The following EYS variants were observed in gnomAD, a reference collection of about 807,000 sequenced individuals.
EYS encodes EGF-like photoreceptor maintenance factor, also known as protein eyes shut homolog.
EYS carries 250 observed loss-of-function variants against 282.1 expected under a neutral mutation model. The ratio of observed to expected loss-of-function variants is 0.89; its 90% CI spans 0.80 to 0.98. The LOEUF (loss-of-function observed/expected upper bound fraction) is 0.98, where lower values mean the gene tolerates loss of function less well. EYS is among the 50% of genes least tolerant of loss of function. The pLI is 0.00. For missense variants in EYS, 4,016 were observed against 3,709.0 expected, an observed-to-expected ratio of 1.08 and a Z score of -2.15; for synonymous variants, 1,355 against 1,282.9, an observed-to-expected ratio of 1.06 and a Z score of -1.20.
intron 2 of EYS, among the ~76,000 whole-genome samples, chr6:65,514,470 T>C (rs1415996219): frequency 1.3e-5 from 2 of 152,238 alleles, no homozygotes; most frequent in Non-Finnish European, 2.9e-5. Flanking sequence ...AAAAAAGAGC[T>C]TGCATTGCCA....
chr6:64,377,710 T>A (rs1485727000), intron 29 of EYS: 2 of 152,146 alleles, frequency 1.3e-5, no homozygotes, highest in African/African-American at 4.8e-5. Flanking sequence ...GATTTTTTTT[T>A]AATGAACAAA....
intron 22 of EYS, among the ~76,000 whole-genome samples, chr6:64,742,729 T>C (rs1321559211): frequency 6.6e-6 from 1 of 152,172 alleles, no homozygotes; most frequent in African/African-American, 2.4e-5. Context: ...ACTGTTTACA[T>C]GTCAATCATA....
intron 31 of EYS, among the ~76,000 whole-genome samples, chr6:64,139,569 G>A (rs1040922548): frequency 2.0e-5 from 3 of 152,148 alleles, no homozygotes; most frequent in African/African-American, 7.2e-5. Flanking sequence ...AAAGGGATAA[G>A]ATTTTGTCAC....
intron 15 of EYS, among the ~76,000 whole-genome samples, chr6:64,924,907 G>A (rs908659606): frequency 5.3e-5 from 8 of 152,138 alleles, no homozygotes; most frequent in Admixed American, 2.6e-4. Context: ...ACATTTTCCT[G>A]TCTTCTTCTG....
chr6:64,460,141 A>G (rs1034719043), intron 26 of EYS, among the ~76,000 whole-genome samples: 2 of 152,194 alleles, frequency 1.3e-5, no homozygotes, highest in East Asian at 3.9e-4. Context: ...TGATGACAAA[A>G]TATTTTTTAA....
At chr6:64,138,100 G>A (rs7748352) in intron 31 of EYS, among the ~76,000 whole-genome samples, 2,948 of 152,206 alleles carry the variant, frequency 0.019, 80 homozygotes, top group African/African-American at 0.067. Context: ...AGCGAGTGTC[G>A]ATTGGATTGA....
intron 16 of EYS, among the ~76,000 whole-genome samples, chr6:64,906,803 A>T (rs1042076418): frequency 1.3e-5 from 2 of 152,206 alleles, no homozygotes; most frequent in African/African-American, 4.8e-5. Context: ...ATTAAGAAGT[A>T]TTTGATAGGG....
At chr6:65,446,055 C>G (rs1010388409) in intron 5 of EYS, among the ~76,000 whole-genome samples, 1 of 151,588 alleles carries the variant, frequency 6.6e-6, no homozygotes, top group Non-Finnish European at 1.5e-5. Context: ...TTTAATCAAT[C>G]ATAGCGAAAT....
At chr6:64,983,523 C>T (rs911489499) in intron 14 of EYS, among the ~76,000 whole-genome samples, 2 of 151,236 alleles carry the variant, frequency 1.3e-5, no homozygotes, top group African/African-American at 4.8e-5. Context: ...AACAATGATG[C>T]TTCCAACATA....
intron 31 of EYS, among the ~76,000 whole-genome samples, chr6:64,144,329 A>G (rs1477551313): frequency 6.6e-6 from 1 of 152,204 alleles, no homozygotes; most frequent in African/African-American, 2.4e-5. Flanking sequence ...AAGTTTCACA[A>G]AGCCATGACT....
chr6:64,396,616 G>C (rs1773387732), intron 28 of EYS, among the ~76,000 whole-genome samples: 1 of 151,620 alleles, frequency 6.6e-6, no homozygotes, highest in South Asian at 2.1e-4. Context: ...GTATGTATCA[G>C]TTTTTATTTT....
At chr6:65,574,800 C>T (rs548754277) in intron 2 of EYS, among the ~76,000 whole-genome samples, 22 of 152,220 alleles carry the variant, frequency 1.4e-4, no homozygotes, top group African/African-American at 5.1e-4. Flanking sequence ...TTTTAACCCA[C>T]AGCTACAGAA....
In EYS at chr6:65,296,050, G is replaced by A. The variant is rs1373256975; in HGVS notation, c.1836C>T (p.His612=). The change falls in exon 12 of 43, where the codon CAC becomes CAT. Residue 612 remains histidine, a synonymous_variant. Transcript: ENST00000503581. The part of the protein sequence containing the change: ...VVNVDYCLGN[H]SISVHGLCLA... Reference sequence around the variant, plus strand: ...GGCAGAGGCCATGCACTGATATACTGTGGTTCCCTAAGCAATAGTCAACAT... The same window carrying A: ...GGCAGAGGCCATGCACTGATATACTATGGTTCCCTAAGCAATAGTCAACAT... 1 of 1,550,860 alleles carries A rather than the reference G, an allele frequency of 6.4e-7. No individual in the cohort carries two copies. Among genetic ancestry groups the A allele is most frequent in the Non-Finnish European group, 8.7e-7 (1 of 1,146,396 alleles).
intron 35 of EYS, among the ~76,000 whole-genome samples, chr6:63,887,320 T>G (rs78478242): frequency 2.2e-4 from 33 of 149,616 alleles, no homozygotes; most frequent in East Asian, 3.9e-4. Context: ...AGGTGTTTTT[T>G]TTTTTTTTTT....
intron 29 of EYS, among the ~76,000 whole-genome samples, chr6:64,325,443 A>G (rs1193963305): frequency 6.6e-6 from 1 of 152,198 alleles, no homozygotes; most frequent in East Asian, 1.9e-4. Flanking sequence ...CTTTCCTCTG[A>G]CAGAGCCTAC....
In EYS at chr6:65,700,114, C is replaced by CAAAA. The variant is rs1178482636; in HGVS notation, c.-448+7017_-448+7020dup. Among the ~76,000 whole-genome samples, 517 of 51,782 alleles carry CAAAA rather than the reference C, an allele frequency of 1.0e-2. 53 individuals carry two copies. Among genetic ancestry groups the CAAAA allele is most frequent in the African/African-American group, 0.044 (462 of 10,414 alleles). 34.0% of individuals were successfully genotyped at this position (51,782 alleles called of 152,430 possible). A position where few individuals can be genotyped will look rare whatever the true frequency, so the allele number is the denominator to read the frequency against. Reference sequence around the variant, plus strand: ...TGGGTGACAGAGCGAGACTCCGTCTCAAAAAAAAAAAAAAAAAAAAAAAAA... The same window carrying CAAAA: ...TGGGTGACAGAGCGAGACTCCGTCTCAAAAAAAAAAAAAAAAAAAAAAAAAAAAA... On this transcript the variant is annotated intron_variant, in intron 1 of 42. Coordinates refer to ENST00000503581, the MANE Select transcript of EYS (RefSeq NM_001142800.2).
chr6:64,340,404 A>G (rs1046951021), intron 29 of EYS, among the ~76,000 whole-genome samples: 11 of 151,836 alleles, frequency 7.2e-5, no homozygotes, highest in Non-Finnish European at 1.5e-5. Context: ...TAGAAAACTC[A>G]TGAATAAAGC....
intron 5 of EYS, among the ~76,000 whole-genome samples, chr6:65,479,999 CAA>C (rs71002309): frequency 3.2e-5 from 4 of 126,218 alleles, no homozygotes; most frequent in African/African-American, 3.0e-5. Context: ...ACTAAAAATA[CAA>C]AAAAAAAAAA....
At chr6:64,076,137 G>A (rs193245317) in intron 32 of EYS, among the ~76,000 whole-genome samples, 6 of 152,054 alleles carry the variant, frequency 3.9e-5, no homozygotes, top group South Asian at 2.1e-4. Flanking sequence ...AAGTAAATGC[G>A]TGAAAACATT....
Sources: allele counts gnomAD v4.1 joint callset (sites outside exome capture counted in the v4.1 genomes callset), GRCh38; gene constraint gnomAD v4.1.1; transcripts MANE v1.5; gene names NCBI Gene and HGNC (gene_info 2026-07-23, HGNC 2026-07-21).